The following ARMH3 variants were observed in gnomAD, a reference collection of about 807,000 sequenced individuals.
The protein encoded by ARMH3 is armadillo like helical domain containing 3, also known as armadillo-like helical domain-containing protein 3.
In ARMH3, 60 loss-of-function variants were observed where a neutral mutation model predicts 99.1. The observed-to-expected ratio is 0.61, with a 90% CI of 0.49 to 0.75. The LOEUF (loss-of-function observed/expected upper bound fraction) is 0.75, where lower values mean the gene tolerates loss of function less well. Ranked by LOEUF, ARMH3 falls within the 30% of genes least tolerant of loss-of-function variation. The pLI, the probability that ARMH3 is intolerant of heterozygous loss-of-function variation, is 0.00. For missense variants in ARMH3, 679 were observed against 843.1 expected, an observed-to-expected ratio of 0.81 and a Z score of 2.41; for synonymous variants, 285 against 292.8, an observed-to-expected ratio of 0.97 and a Z score of 0.27.
intron 20 of ARMH3, among the ~76,000 whole-genome samples, chr10:101,967,911 T>C (rs548420732): frequency 3.3e-5 from 5 of 152,244 alleles, no homozygotes; most frequent in African/African-American, 1.2e-4. Flanking sequence ...CACAAGTCAG[T>C]ATGTCAACAG....
At chr10:101,990,845 C>T (rs935378988) in intron 18 of ARMH3, among the ~76,000 whole-genome samples, 5 of 152,210 alleles carry the variant, frequency 3.3e-5, no homozygotes, top group Non-Finnish European at 4.4e-5. Context: ...CAGAAGGATA[C>T]CCTGACCTGC....
intron 19 of ARMH3, among the ~76,000 whole-genome samples, chr10:101,979,584 T>C (rs1430874229): frequency 1.3e-5 from 2 of 152,212 alleles, no homozygotes; most frequent in East Asian, 1.9e-4. Flanking sequence ...TTTGTGGTAA[T>C]AGTTGCACAA....
chr10:101,878,153 G>A (rs868316810), intron 24 of ARMH3, among the ~76,000 whole-genome samples: 1 of 152,058 alleles, frequency 6.6e-6, no homozygotes, highest in African/African-American at 2.4e-5. Context: ...AACTACTCGG[G>A]AGGTTACGAT....
At chr10:101,965,988 A>G (rs1340790457) in intron 20 of ARMH3, among the ~76,000 whole-genome samples, 1 of 151,962 alleles carries the variant, frequency 6.6e-6, no homozygotes, top group Non-Finnish European at 1.5e-5. Flanking sequence ...AATATAGAAG[A>G]GTGTACAGGT....
At chr10:102,000,928 TGTATCAGCCTCTCGA>T (rs1463246986) in intron 15 of ARMH3, among the ~76,000 whole-genome samples, 1 of 152,058 alleles carries the variant, frequency 6.6e-6, no homozygotes, top group Non-Finnish European at 1.5e-5. Context: ...GCAATTCTCC[TGTATCAGCCTCTCGA>T]GTAGCTGGGA....
chr10:102,001,287 A>G (rs998244870), intron 15 of ARMH3, among the ~76,000 whole-genome samples: 3 of 151,936 alleles, frequency 2.0e-5, no homozygotes, highest in Admixed American at 1.3e-4. Context: ...TAAGTAGGGG[A>G]AAAAAAACAA....
chr10:101,882,502 T>C (rs1175147358), intron 24 of ARMH3, among the ~76,000 whole-genome samples: 1 of 152,186 alleles, frequency 6.6e-6, no homozygotes, highest in Non-Finnish European at 1.5e-5. Context: ...GGTACTTTAC[T>C]TTCCCACCCA....
intron 19 of ARMH3, 117 bp from the exon 20 acceptor site, chr10:101,975,417 T>C: frequency 7.7e-6 from 5 of 652,200 alleles, no homozygotes; most frequent in Admixed American, 4.9e-5. Context: ...GATATGAATA[T>C]GTATACATGC....
intron 20 of ARMH3, among the ~76,000 whole-genome samples, chr10:101,966,877 T>G (rs1845566108): frequency 6.6e-6 from 1 of 152,090 alleles, no homozygotes; most frequent in Non-Finnish European, 1.5e-5. Flanking sequence ...AAGACACAAT[T>G]AAGTGGTAGC....
intron 8 of ARMH3, among the ~76,000 whole-genome samples, chr10:102,022,365 G>A (rs1264760590): frequency 6.6e-6 from 1 of 150,892 alleles, no homozygotes. Flanking sequence ...GGTGGTGGGC[G>A]CCTGTAGTCC....
At chr10:101,894,754 T>C (rs960833182) in intron 23 of ARMH3, among the ~76,000 whole-genome samples, 3 of 151,808 alleles carry the variant, frequency 2.0e-5, no homozygotes, top group Non-Finnish European at 4.4e-5. Context: ...GGTCAAAACC[T>C]GACAGCTACT....
chr10:101,968,468 A>G (rs534181776), intron 20 of ARMH3, among the ~76,000 whole-genome samples: 22 of 152,352 alleles, frequency 1.4e-4, no homozygotes, highest in African/African-American at 5.3e-4. Flanking sequence ...TTATGAAACC[A>G]CATGACATGT....
chr10:101,972,857 C>T (rs182819400), intron 20 of ARMH3, among the ~76,000 whole-genome samples: 38 of 152,284 alleles, frequency 2.5e-4, no homozygotes, highest in Non-Finnish European at 5.0e-4. Context: ...ATATATACTT[C>T]CCCTCAGCTC....
intron 2 of ARMH3, among the ~76,000 whole-genome samples, chr10:102,038,787 T>A (rs1233913793): frequency 6.6e-6 from 1 of 151,896 alleles, no homozygotes; most frequent in Non-Finnish European, 1.5e-5. Context: ...TTGCCCAAGC[T>A]AGAATGCAGT....
chr10:101,973,961 C>G (rs976464799), intron 20 of ARMH3, among the ~76,000 whole-genome samples: 5 of 152,146 alleles, frequency 3.3e-5, no homozygotes, highest in African/African-American at 1.2e-4. Flanking sequence ...TATCCATAGG[C>G]AGCAATAATA....
chr10:101,953,701 C>G, intron 22 of ARMH3, among the ~76,000 whole-genome samples: 1 of 151,800 alleles, frequency 6.6e-6, no homozygotes, highest in South Asian at 2.1e-4. Context: ...AAGCAAACAA[C>G]AACAACAACA....
At chr10:101,982,837 C>A (rs1303458015) in intron 19 of ARMH3, among the ~76,000 whole-genome samples, 2 of 152,066 alleles carry the variant, frequency 1.3e-5, no homozygotes, top group Non-Finnish European at 2.9e-5. Context: ...AAGGCTCCCA[C>A]TGATTCTACA....
intron 1 of ARMH3, among the ~76,000 whole-genome samples, chr10:102,052,814 A>G (rs2067739143): frequency 6.6e-6 from 1 of 152,082 alleles, no homozygotes; most frequent in African/African-American, 2.4e-5. Context: ...CAATACATTA[A>G]GCTCACCAGG....
chr10:101,952,740 T>C (rs574475536), intron 22 of ARMH3: 5 of 152,334 alleles, frequency 3.3e-5, no homozygotes, highest in South Asian at 2.1e-4. Context: ...ATTTAGGTGT[T>C]AAGTACATTT....
Sources: allele counts gnomAD v4.1 joint callset (sites outside exome capture counted in the v4.1 genomes callset), GRCh38; gene constraint gnomAD v4.1.1; transcripts MANE v1.5; gene names NCBI Gene and HGNC (gene_info 2026-07-23, HGNC 2026-07-21).